The following ZSCAN18 variants were observed in gnomAD, a reference collection of about 807,000 sequenced individuals.
ZSCAN18 encodes zinc finger and SCAN domain-containing protein 18.
ZSCAN18 carries 16 observed loss-of-function variants against 31.1 expected under a neutral mutation model. The observed-to-expected ratio is 0.51, with a 90% CI of 0.35 to 0.78. ZSCAN18 has a LOEUF of 0.78. Among genes scored for constraint, ZSCAN18 ranks in the 30% least tolerant of loss-of-function variants. ZSCAN18 has a pLI of 0.01. For synonymous variants in ZSCAN18, 375 were observed against 320.7 expected, an observed-to-expected ratio of 1.17 and a Z score of -1.81; for missense variants, 731 against 697.4, an observed-to-expected ratio of 1.05 and a Z score of -0.54.
rs1387176826 is a variant in ZSCAN18, at chr19:58,087,247, G to A, written c.642+69C>T. The A allele has an allele frequency of 8.9e-6, 13 of 1,465,898 alleles. No individual in the cohort carries two copies. In the South Asian group the frequency reaches 1.5e-4, roughly 16 times the overall value. The allele number at this position is 1,465,898 out of a possible 1,614,324, so 90.8% of individuals were successfully genotyped here. A position where few individuals can be genotyped will look rare whatever the true frequency, so the allele number is the denominator to read the frequency against. On this transcript the variant is annotated intron_variant, in intron 4 of 6. Transcript: ENST00000601144. ...GGGCCACAGCCCTCTGCTGAGCACT[G>A]GTGATGGGGAGGGGGATGCCTCTAA...
At chr19:58,094,035 G>T (rs1316240697) in intron 1 of ZSCAN18, among the ~76,000 whole-genome samples, 2 of 152,104 alleles carry the variant, frequency 1.3e-5, no homozygotes, top group Non-Finnish European at 2.9e-5. Context: ...AAAGTGCCAG[G>T]ATTACAAGAG....
At chr19:58,108,825 C>T in intron 1 of ZSCAN18, 1 of 950,288 alleles carries the variant, frequency 1.1e-6, no homozygotes, top group Non-Finnish European at 1.2e-6. Context: ...GGAGTTACCA[C>T]CTTCGTTACA....
intron 3 of ZSCAN18, chr19:58,087,795 G>T: frequency 5.8e-6 from 1 of 170,998 alleles, no homozygotes; most frequent in East Asian, 1.8e-4. Context: ...CTAAAAGTGC[G>T]GACCCGGCTA....
exon 1 of ZSCAN18, chr19:58,118,286 C>G: frequency 6.7e-7 from 1 of 1,497,424 alleles, no homozygotes; most frequent in Admixed American, 2.2e-5. Context: ...GCCTTGGCTC[C>G]GCGACCGGTG....
At chr19:58,092,091 C>G (rs2074424151) in intron 1 of ZSCAN18, among the ~76,000 whole-genome samples, 1 of 152,076 alleles carries the variant, frequency 6.6e-6, no homozygotes, top group African/African-American at 2.4e-5. Context: ...TGTAGATCAG[C>G]TGTTGCCAGG....
At chr19:58,101,711 G>T (rs1168727674), upstream of ZSCAN18, among the ~76,000 whole-genome samples, 1 of 151,044 alleles carries the variant, frequency 6.6e-6, no homozygotes, top group Non-Finnish European at 1.5e-5. Context: ...GTAGAGACGG[G>T]GTTTCACCAT....
chr19:58,117,531 G>C (rs940167936), intron 1 of ZSCAN18, among the ~76,000 whole-genome samples: 1 of 152,076 alleles, frequency 6.6e-6, no homozygotes, highest in Non-Finnish European at 1.5e-5. Context: ...GGAAGAACAG[G>C]GTTGTTAGGA....
chr19:58,086,120 CTG>C (rs1437150453), intron 6 of ZSCAN18, 52 bp downstream of exon 6: 2 of 1,563,974 alleles, frequency 1.3e-6, no homozygotes, highest in Non-Finnish European at 1.8e-6. Context: ...CCCTCAGCCT[CTG>C]AAGAAAAAGC....
chr19:58,098,276 G>T (rs2074560356), upstream of ZSCAN18: 12 of 985,370 alleles, frequency 1.2e-5, no homozygotes, highest in Non-Finnish European at 1.3e-5. Flanking sequence ...CGCGGACTAC[G>T]ACTCCCACAA....
upstream of ZSCAN18, among the ~76,000 whole-genome samples, chr19:58,099,678 T>G (rs559006696): frequency 6.8e-4 from 103 of 152,336 alleles, no homozygotes; most frequent in African/African-American, 2.4e-3. Flanking sequence ...CACACTCTCA[T>G]GCAGAGTAGC....
At chr19:58,098,999 C>A (rs1245767103), upstream of ZSCAN18, among the ~76,000 whole-genome samples, 2 of 152,080 alleles carry the variant, frequency 1.3e-5, no homozygotes, top group Non-Finnish European at 2.9e-5. Flanking sequence ...TAAATGTAGC[C>A]CCCCTGGAAG....
intron 1 of ZSCAN18, among the ~76,000 whole-genome samples, chr19:58,094,032 C>T (rs2074470117): frequency 6.6e-6 from 1 of 151,878 alleles, no homozygotes; most frequent in Non-Finnish European, 1.5e-5. Context: ...CCCAAAGTGC[C>T]AGGATTACAA....
rs1319055079 is a variant in ZSCAN18 at position 58,086,748 on chromosome 19, G to A, written c.745+158C>T. On this transcript the variant is annotated intron_variant, in intron 5 of 6. Coordinates refer to ENST00000601144, the MANE Select transcript of ZSCAN18 (RefSeq NM_001145543.2). ...GATGTTTAGATCAGAAAGGGTGGGGGCTTCAGCGAATAAATTCAAGCTCCA... is the reference window on the plus strand; with the variant it reads ...GATGTTTAGATCAGAAAGGGTGGGGACTTCAGCGAATAAATTCAAGCTCCA... 7 of 595,548 alleles carry A rather than the reference G, an allele frequency of 1.2e-5. No homozygotes were observed. The East Asian group carries it at 1.7e-4, about 15-fold the overall frequency. 36.9% of individuals were successfully genotyped at this position (595,548 alleles called of 1,614,324 possible).
chr19:58,112,942 C>T (rs2074697659), intron 1 of ZSCAN18, among the ~76,000 whole-genome samples: 1 of 34,674 alleles, frequency 2.9e-5, no homozygotes, highest in Non-Finnish European at 7.6e-5. Flanking sequence ...TAAAGCAAGG[C>T]TCCGTTTCAA....
chr19:58,107,380 A>C (rs10422730), intron 1 of ZSCAN18, among the ~76,000 whole-genome samples: 111,789 of 151,542 alleles, frequency 0.74, 42,450 homozygotes, highest in Non-Finnish European at 0.85. Context: ...AACATGGTGA[A>C]ACCCTATCTC....
chr19:58,109,246 T>C (rs757182862), intron 1 of ZSCAN18: 227 of 1,231,582 alleles, frequency 1.8e-4, no homozygotes, highest in Admixed American at 6.3e-4. Context: ...CCAAATTGGA[T>C]AGTTCCTTCC....
intron 1 of ZSCAN18, chr19:58,108,961 T>C (rs1478501643): frequency 5.3e-6 from 6 of 1,127,808 alleles, no homozygotes; most frequent in Admixed American, 4.8e-5. Context: ...CTGACAATTA[T>C]GTATGTAACT....
At chr19:58,111,634 G>A (rs2074684297) in intron 1 of ZSCAN18, among the ~76,000 whole-genome samples, 1 of 151,860 alleles carries the variant, frequency 6.6e-6, no homozygotes. Flanking sequence ...CAAAGTCCTG[G>A]GATTACTGGC....
chr19:58,117,070 CT>C (rs150647745), intron 1 of ZSCAN18, among the ~76,000 whole-genome samples: 28,488 of 152,018 alleles, frequency 0.19, 2,930 homozygotes, highest in Non-Finnish European at 0.24. Context: ...TCTGACACTA[CT>C]TTTGAATTTT....
Sources: allele counts gnomAD v4.1 joint callset (sites outside exome capture counted in the v4.1 genomes callset), GRCh38; gene constraint gnomAD v4.1.1; transcripts MANE v1.5; gene names NCBI Gene and HGNC (gene_info 2026-07-23, HGNC 2026-07-21).